FGFR2: variants seen among roughly 807,000 people sequenced by gnomAD.
FGFR2 encodes the protein fibroblast growth factor receptor 2.
In FGFR2, 19 loss-of-function variants were observed where a neutral mutation model predicts 95.9. The ratio of observed to expected loss-of-function variants is 0.20; its 90% CI spans 0.14 to 0.29. The LOEUF is 0.29. Among genes scored for constraint, FGFR2 ranks in the 10% least tolerant of loss-of-function variants. The probability of loss-of-function intolerance (pLI) is 1.00; values close to 1 mark genes in which losing one functional copy is unlikely to be tolerated. For missense variants in FGFR2, 707 were observed against 1,056.9 expected, an observed-to-expected ratio of 0.67 and a Z score of 4.59; for synonymous variants, 392 against 393.3, an observed-to-expected ratio of 1.00 and a Z score of 0.04.
chr10:121,480,762 GA>G (rs5788499), intron 17 of FGFR2, among the ~76,000 whole-genome samples: 3,480 of 152,200 alleles, frequency 0.023, 148 homozygotes, highest in African/African-American at 0.079. Flanking sequence ...TCGAGATTCA[GA>G]AAGTGTCCTT....
At position 121,488,029 on chromosome 10, in the gene FGFR2, C is replaced by A; in HGVS notation, c.1948G>T (p.Asp650Tyr). 1 of 1,614,122 alleles carries A rather than the reference C, an allele frequency of 6.2e-7. No homozygotes were observed. The highest frequency in any genetic ancestry group is 8.5e-7 in the Non-Finnish European group (1 of 1,180,012). ...TTGTAATAGTCTATATTGTTGATATCTCTGGCGAGTCCAAAGTCTGCTATT... is the reference window on the plus strand; with the variant it reads ...TTGTAATAGTCTATATTGTTGATATATCTGGCGAGTCCAAAGTCTGCTATT... ...MKIADFGLAR[D>Y]INNIDYYKKT... Residue 650 changes from aspartate (D) to tyrosine (Y), a missense_variant, in exon 14 of 18, where the codon GAT (aspartate) becomes TAT (tyrosine). Physicochemically the swap from Asp to Tyr is radical, Grantham distance 160 (BLOSUM62 -3). This residue lies in a region of FGFR2 where 104 missense variants were observed against 214.2 expected (regional missense o/e 0.49). Transcript: ENST00000358487.
At chr10:121,581,888 G>C (rs572930182) in intron 2 of FGFR2, among the ~76,000 whole-genome samples, 43 of 150,396 alleles carry the variant, frequency 2.9e-4, no homozygotes, top group African/African-American at 1.0e-3. Flanking sequence ...CTTCACCTTT[G>C]ACTGGACCTA....
At chr10:121,585,604 TAG>T (rs1288756322) in intron 2 of FGFR2, among the ~76,000 whole-genome samples, 3 of 152,204 alleles carry the variant, frequency 2.0e-5, no homozygotes, top group African/African-American at 4.8e-5. Flanking sequence ...CAGTAGATAG[TAG>T]AGAGATTCAA....
intron 9 of FGFR2, among the ~76,000 whole-genome samples, chr10:121,509,367 A>AAAT (rs1333487556): frequency 4.0e-5 from 6 of 151,460 alleles, no homozygotes; most frequent in African/African-American, 1.5e-4. Context: ...GCTTTTAAGT[A>AAAT]AATGTGCTTT....
chr10:121,511,269 G>A (rs532486361), intron 9 of FGFR2, among the ~76,000 whole-genome samples: 3 of 152,096 alleles, frequency 2.0e-5, no homozygotes, highest in East Asian at 1.9e-4. Flanking sequence ...TTATCTGGAC[G>A]GAGCCAACCA....
intron 2 of FGFR2, among the ~76,000 whole-genome samples, chr10:121,590,133 A>C (rs908803629): frequency 1.3e-5 from 2 of 152,156 alleles, no homozygotes; most frequent in African/African-American, 4.8e-5. Context: ...AAGATTGACA[A>C]AAAATTGCTA....
intron 5 of FGFR2, among the ~76,000 whole-genome samples, chr10:121,542,896 G>A (rs1360233012): frequency 6.6e-6 from 1 of 152,150 alleles, no homozygotes; most frequent in Admixed American, 6.5e-5. Flanking sequence ...GCAGTGAAAG[G>A]TGAAGGGTGA....
intron 9 of FGFR2, among the ~76,000 whole-genome samples, chr10:121,507,246 T>C (rs116315630): frequency 0.022 from 3,305 of 152,308 alleles, 118 homozygotes; most frequent in African/African-American, 0.073. Context: ...TGTGTGAGCT[T>C]TGGGAAATCA....
At chr10:121,489,454 C>A (rs1202769859) in intron 13 of FGFR2, among the ~76,000 whole-genome samples, 1 of 152,166 alleles carries the variant, frequency 6.6e-6, no homozygotes, top group African/African-American at 2.4e-5. Context: ...CTGGCTGGCT[C>A]TTCTCTTTTT....
At chr10:121,504,009 A>G (rs1335434993) in intron 9 of FGFR2, 68 bp from the exon 10 acceptor site, 1 of 1,581,286 alleles carries the variant, frequency 6.3e-7, no homozygotes, top group Admixed American at 1.7e-5. Flanking sequence ...AGTCAGCCAG[A>G]GCCCAGCCAG....
chr10:121,483,848 T>G (rs1375948108), intron 16 of FGFR2, 45 bp from the exon 17 acceptor site: 1 of 1,426,888 alleles, frequency 7.0e-7, no homozygotes, highest in Non-Finnish European at 9.8e-7. Context: ...ATGCACTGGG[T>G]ACGTGGTTAT....
At chr10:121,592,795 G>C (rs979189251) in intron 2 of FGFR2, among the ~76,000 whole-genome samples, 6 of 152,146 alleles carry the variant, frequency 3.9e-5, no homozygotes, top group Non-Finnish European at 5.9e-5. Flanking sequence ...GCACCAGGTG[G>C]ACTCTCCACA....
intron 6 of FGFR2, among the ~76,000 whole-genome samples, chr10:121,529,474 C>G (rs1851816024): frequency 6.6e-6 from 1 of 152,196 alleles, no homozygotes; most frequent in Non-Finnish European, 1.5e-5. Context: ...GTACACTGAA[C>G]CAGTAAAATG....
chr10:121,484,713 T>C (rs971882855), intron 16 of FGFR2, among the ~76,000 whole-genome samples: 2 of 152,138 alleles, frequency 1.3e-5, no homozygotes, highest in Non-Finnish European at 2.9e-5. Context: ...ACTTAAAGTG[T>C]GAGGCAGGTT....
chr10:121,512,301 A>G (rs1211830805), intron 9 of FGFR2, among the ~76,000 whole-genome samples: 1 of 152,098 alleles, frequency 6.6e-6, no homozygotes, highest in East Asian at 1.9e-4. Context: ...CCCGATAAGC[A>G]TCTCTTTCTC....
chr10:121,528,484 C>T (rs7903140), intron 6 of FGFR2, among the ~76,000 whole-genome samples: 5,273 of 152,256 alleles, frequency 0.035, 273 homozygotes, highest in African/African-American at 0.12. Context: ...TTTCATCAAC[C>T]TTCACCATCT....
In FGFR2 at chr10:121,561,191, G is replaced by A. The variant is rs535947867; in HGVS notation, c.454+3311C>T. ...TGTAATCCCAGCACTTTGGGAGGCC[G>A]AGGCAGGCAGATCACCTGAGGTCGG... On this transcript the variant is annotated intron_variant, in intron 4 of 17. Transcript: ENST00000358487. 8.5e-5 allele frequency among the ~76,000 whole-genome samples: 13 copies of A among 152,220 alleles called. 1 individual carries two copies. The South Asian group carries it at 2.5e-3, about 29-fold the overall frequency.
chr10:121,492,026 A>G (rs1221975877), intron 13 of FGFR2, among the ~76,000 whole-genome samples: 2 of 151,762 alleles, frequency 1.3e-5, no homozygotes, highest in Non-Finnish European at 2.9e-5. Flanking sequence ...TCTACCAAAA[A>G]ATAGCCAGGT....
At chr10:121,553,142 T>C (rs1385099026) in intron 4 of FGFR2, among the ~76,000 whole-genome samples, 2 of 152,234 alleles carry the variant, frequency 1.3e-5, no homozygotes, top group African/African-American at 2.4e-5. Flanking sequence ...GGCCATGCTG[T>C]ATCTTTATCC....
Sources: allele counts gnomAD v4.1 joint callset (sites outside exome capture counted in the v4.1 genomes callset), GRCh38; gene constraint gnomAD v4.1.1; regional missense constraint gnomAD v4.1.1; transcripts MANE v1.5; gene names NCBI Gene and HGNC (gene_info 2026-07-23, HGNC 2026-07-21).